FAM53A: variants seen among roughly 807,000 people sequenced by gnomAD.
FAM53A encodes the protein family with sequence similarity 53 member A, also known as protein FAM53A.
A neutral mutation model predicts 26.6 loss-of-function variants in FAM53A; 28 were observed. The observed-to-expected ratio is 1.05, with a 90% CI of 0.78 to 1.45. The LOEUF is 1.45. Ranked by LOEUF, FAM53A falls within the 40% of genes most tolerant of loss-of-function variation. The pLI is 0.00. For synonymous variants in FAM53A, 290 were observed against 253.1 expected, an observed-to-expected ratio of 1.15 and a Z score of -1.38; for missense variants, 650 against 575.8, an observed-to-expected ratio of 1.13 and a Z score of -1.32.
At chr4:1,657,070 G>A (rs1713441223) in intron 3 of FAM53A, among the ~76,000 whole-genome samples, 1 of 152,204 alleles carries the variant, frequency 6.6e-6, no homozygotes, top group Non-Finnish European at 1.5e-5. Context: ...TACAAGCCCT[G>A]CCAGCCACGC....
At position 1,668,757 on chromosome 4, in the gene FAM53A, T is replaced by G; in HGVS notation, c.-16A>C. ...GTGTGACCATGGTCGGGGCCCCGTG[T>G]CCTCCGTCCACACCAACAGGCACTG... On this transcript the variant is annotated 5_prime_UTR_variant, in exon 2 of 5. Coordinates refer to ENST00000308132, the MANE Select transcript of FAM53A (RefSeq NM_001174070.3). 1 of 1,613,916 alleles carries G rather than the reference T, an allele frequency of 6.2e-7. No individual in the cohort carries two copies. The highest frequency in any genetic ancestry group is 1.1e-5 in the South Asian group (1 of 91,076).
chr4:1,622,180 C>T lies in FAM53A; in HGVS notation c.432-4069G>A, dbSNP rs555693049. ...ACGATCAGTTACCCAGACACGGTGC[C>T]GTTACAGCAGCAGCACGGAGAGAGG... On this transcript the variant is annotated intron_variant, in intron 1 of 1. Coordinates refer to the FAM53A transcript ENST00000489029. Among the ~76,000 whole-genome samples the T allele has an allele frequency of 1.3e-3, 204 of 152,290 alleles. 1 individual carries two copies. Among genetic ancestry groups the T allele is most frequent in the African/African-American group, 4.5e-3 (189 of 41,566 alleles).
At chr4:1,576,534 AG>A in the FAM53A span, among the ~76,000 whole-genome samples, 1 of 152,258 alleles carries the variant, frequency 6.6e-6, no homozygotes, top group African/African-American at 2.4e-5. Flanking sequence ...CACCGCGAGA[AG>A]GGGCTCAATT....
At chr4:1,591,427 T>C in the FAM53A span, among the ~76,000 whole-genome samples, 40 of 152,128 alleles carry the variant, frequency 2.6e-4, 1 homozygote, top group Non-Finnish European at 8.8e-5. Flanking sequence ...TTGCCAGGAA[T>C]GAAGGAGAGA....
chr4:1,685,006 C>T (rs1651939640), upstream of FAM53A, among the ~76,000 whole-genome samples: 1 of 152,106 alleles, frequency 6.6e-6, no homozygotes, highest in African/African-American at 2.4e-5. Context: ...GGAGGCCGTG[C>T]CCCGCTCTCG....
intron 2 of FAM53A, among the ~76,000 whole-genome samples, chr4:1,665,564 G>A (rs927518934): frequency 2.0e-5 from 3 of 151,910 alleles, no homozygotes; most frequent in Non-Finnish European, 2.9e-5. Flanking sequence ...AGAAACCACC[G>A]CCATATTCAC....
Position 1,655,585 on chromosome 4 carries a change from C to A in FAM53A, c.275G>T (p.Arg92Leu). 1 of 1,584,770 alleles carries A rather than the reference C, an allele frequency of 6.3e-7. No individual in the cohort carries two copies. Among genetic ancestry groups the A allele is most frequent in the Non-Finnish European group, 8.6e-7 (1 of 1,164,270 alleles). The change falls in exon 4 of 5, where the codon CGC becomes CTC. Residue 92 changes from arginine to leucine, a missense_variant. Arg to Leu is a moderately radical substitution (Grantham distance 102, BLOSUM62 -2). Coordinates refer to ENST00000308132, the MANE Select transcript of FAM53A (RefSeq NM_001174070.3). ...MGLQWQPQSP[R>L]PGAGLGAAST... is the part of the protein sequence containing the mutation. ...GGCTGCACCCAGGCCTGCGCCTGGG[C>A]GCGGGGACTGTGGCTGCCACTGAAG... is the stretch of plus-strand genomic sequence containing the variant.
At chr4:1,623,258 CT>C (rs1715130082) in intron 1 of FAM53A, among the ~76,000 whole-genome samples, 1 of 152,224 alleles carries the variant, frequency 6.6e-6, no homozygotes, top group Admixed American at 6.5e-5. Context: ...TGGGCCCAAG[CT>C]CCCCCGACGT....
At chr4:1,685,061 C>G (rs1039758929), upstream of FAM53A, among the ~76,000 whole-genome samples, 1 of 152,164 alleles carries the variant, frequency 6.6e-6, no homozygotes, top group Non-Finnish European at 1.5e-5. Context: ...GCCTCCCTCT[C>G]CAGCCTCCCG....
the FAM53A span, among the ~76,000 whole-genome samples, chr4:1,592,384 C>T: frequency 6.6e-6 from 1 of 152,244 alleles, no homozygotes; most frequent in Admixed American, 6.5e-5. Context: ...GGGCGCGAGG[C>T]CGAGACCACA....
chr4:1,613,299 C>T (rs73795172), downstream of FAM53A, among the ~76,000 whole-genome samples: 4,154 of 152,272 alleles, frequency 0.027, 207 homozygotes, highest in African/African-American at 0.095. Flanking sequence ...GCCCAGGCTC[C>T]GCTCCCAATA....
chr4:1,675,442 A>G (rs1311368483), intron 1 of FAM53A, among the ~76,000 whole-genome samples: 1 of 152,076 alleles, frequency 6.6e-6, no homozygotes, highest in Non-Finnish European at 1.5e-5. Context: ...TCCCCACACT[A>G]AGTGGGCTCA....
chr4:1,662,649 C>CAA (rs34936313), intron 2 of FAM53A, among the ~76,000 whole-genome samples: 27 of 104,496 alleles, frequency 2.6e-4, no homozygotes, highest in African/African-American at 8.5e-4. Context: ...GGCCCTGTCT[C>CAA]AAAAAAAAAA....
rs111921160 is a variant in FAM53A, at chr4:1,667,851, T to C, written c.75+816A>G. Among the ~76,000 whole-genome samples the C allele has an allele frequency of 5.9e-4, 90 of 152,286 alleles. 5 individuals are homozygous for C. Among genetic ancestry groups the C allele is most frequent in the African/African-American group, 2.0e-3 (84 of 41,578 alleles). On this transcript the variant is annotated intron_variant, in intron 2 of 4. Coordinates refer to ENST00000308132, the MANE Select transcript of FAM53A (RefSeq NM_001174070.3). Reference sequence around the variant, plus strand: ...TCCAGGCTAGACATCAGCCACCTCCTTCTGGATCTGCCATCTAACTAGGGC... The same window carrying C: ...TCCAGGCTAGACATCAGCCACCTCCCTCTGGATCTGCCATCTAACTAGGGC...
rs1331894557 is a variant in FAM53A at position 1,682,947 on chromosome 4, G to T, written c.-165+1286C>A. Among the ~76,000 whole-genome samples the T allele has an allele frequency of 9.2e-5, 14 of 152,306 alleles. No homozygotes were observed. In the South Asian group the frequency reaches 2.7e-3, roughly 29 times the overall value. On this transcript the variant is annotated intron_variant, in intron 1 of 4. Coordinates refer to ENST00000308132, the MANE Select transcript of FAM53A (RefSeq NM_001174070.3). ...CTCAGTGAGTGTGACCCTCAAAGTC[G>T]CAACACAGAACACAACAGAGGGACA...
chr4:1,661,515 C>T lies in FAM53A; in HGVS notation c.76-4047G>A, dbSNP rs1023276596. Among the ~76,000 whole-genome samples the T allele has an allele frequency of 6.6e-5, 10 of 152,312 alleles. No homozygotes were observed. The Middle Eastern group carries it at 0.01, about 155-fold the overall frequency. ...TGACCTTCACACGTGACCTTCAGGC[C>T]CTACCGCCTCCTGGCTGCTGTCCCG... is the stretch of plus-strand genomic sequence containing the variant. On this transcript the variant is annotated intron_variant, in intron 2 of 4. Coordinates refer to ENST00000308132, the MANE Select transcript of FAM53A (RefSeq NM_001174070.3).
At position 1,655,434 on chromosome 4, in the gene FAM53A, G is replaced by A; in HGVS notation, c.426C>T (p.Ser142=). 1 of 1,513,490 alleles carries A rather than the reference G, an allele frequency of 6.6e-7. No individual in the cohort carries two copies. The highest frequency in any genetic ancestry group is 8.8e-7 in the Non-Finnish European group (1 of 1,131,208). 93.8% of individuals were successfully genotyped at this position (1,513,490 alleles called of 1,614,324 possible). ...TCTTGGAGACTGGAGTCCAGACCTTGGAGCTGCCGGGGCGCCAGGGGGACC... is the reference window on the plus strand; with the variant it reads ...TCTTGGAGACTGGAGTCCAGACCTTAGAGCTGCCGGGGCGCCAGGGGGACC... The part of the protein sequence containing the change: ...RCRSPWRPGS[S]KVWTPVSKRR... Residue 142 remains serine, a synonymous_variant, in exon 4 of 5, where the codon TCC becomes TCT. Coordinates refer to ENST00000308132, the MANE Select transcript of FAM53A (RefSeq NM_001174070.3).
chr4:1,606,706 C>A, the FAM53A span, among the ~76,000 whole-genome samples: 1 of 152,216 alleles, frequency 6.6e-6, no homozygotes, highest in African/African-American at 2.4e-5. Context: ...CTTATCCTGG[C>A]TGCATAATAG....
chr4:1,620,037 G>A (rs572571139), intron 1 of FAM53A, among the ~76,000 whole-genome samples: 16 of 151,432 alleles, frequency 1.1e-4, no homozygotes, highest in Admixed American at 2.0e-4. Flanking sequence ...GTGAAACCCC[G>A]TCTCTACTAA....
Sources: allele counts gnomAD v4.1 joint callset (sites outside exome capture counted in the v4.1 genomes callset), GRCh38; gene constraint gnomAD v4.1.1; transcripts MANE v1.5; gene names NCBI Gene and HGNC (gene_info 2026-07-23, HGNC 2026-07-21).